MYO5A: variants seen among roughly 807,000 people sequenced by gnomAD.
MYO5A encodes unconventional myosin-Va.
In MYO5A, 98 loss-of-function variants were observed where a neutral mutation model predicts 249.7. That is an observed-to-expected ratio of 0.39 (90% confidence interval 0.33 to 0.46). MYO5A has a LOEUF of 0.46. MYO5A is among the 20% of genes least tolerant of loss of function. The probability of loss-of-function intolerance (pLI) is 0.98; values close to 1 mark genes in which losing one functional copy is unlikely to be tolerated. For missense variants in MYO5A, 1,696 were observed against 2,308.8 expected (o/e 0.73, Z 5.44); for synonymous variants, 778 against 810.6 (o/e 0.96, Z 0.68).
intron 25 of MYO5A, among the ~76,000 whole-genome samples, chr15:52,355,794 A>G (rs2040191275): frequency 6.6e-6 from 1 of 152,218 alleles, no homozygotes; most frequent in Non-Finnish European, 1.5e-5. Flanking sequence ...TTTATATAAG[A>G]GACTTGAGCA....
At chr15:52,404,799 T>C (rs2042925078) in intron 9 of MYO5A, among the ~76,000 whole-genome samples, 1 of 152,042 alleles carries the variant, frequency 6.6e-6, no homozygotes, top group South Asian at 2.1e-4. Flanking sequence ...ATGTAGAGTG[T>C]GAGAAACAAT....
chr15:52,415,673 T>A, intron 5 of MYO5A, among the ~76,000 whole-genome samples: 1 of 152,106 alleles, frequency 6.6e-6, no homozygotes, highest in East Asian at 1.9e-4. Flanking sequence ...CCAACTGAGG[T>A]CGGACTAAGT....
intron 1 of MYO5A, among the ~76,000 whole-genome samples, chr15:52,509,987 A>G (rs1377722005): frequency 3.3e-5 from 5 of 152,206 alleles, no homozygotes; most frequent in Non-Finnish European, 1.5e-5. Context: ...CACTAGAATT[A>G]ATTAACATAA....
intron 1 of MYO5A, among the ~76,000 whole-genome samples, chr15:52,473,227 T>C (rs749735122): frequency 3.9e-5 from 6 of 152,206 alleles, no homozygotes; most frequent in Non-Finnish European, 8.8e-5. Context: ...CTTCGCCCAG[T>C]TTTTGATGGG....
chr15:52,336,398 C>T lies in MYO5A; in HGVS notation c.4408+65G>A, dbSNP rs992500168. 5 of 1,073,800 alleles carry T rather than the reference C, an allele frequency of 4.7e-6. No individual in the cohort carries two copies. In the Admixed American group the frequency reaches 7.9e-5, roughly 17 times the overall value. The allele number at this position is 1,073,800 out of a possible 1,614,324, so 66.5% of individuals were successfully genotyped here. ...AACCTCTATTAGGCCACTTATATAGCCTAGTCTTTAAGCCAAGACTCAAAC... is the reference window on the plus strand; with the variant it reads ...AACCTCTATTAGGCCACTTATATAGTCTAGTCTTTAAGCCAAGACTCAAAC... On this transcript the variant is annotated intron_variant, in intron 34 of 41. Coordinates refer to ENST00000399233, the MANE Select transcript of MYO5A (RefSeq NM_001382347.1).
intron 4 of MYO5A, among the ~76,000 whole-genome samples, chr15:52,423,976 T>C (rs937882948): frequency 6.6e-6 from 1 of 152,220 alleles, no homozygotes; most frequent in East Asian, 1.9e-4. Context: ...GTCATATAAT[T>C]CTCTGAGCAC....
At chr15:52,331,512 G>A (rs2038883971) in intron 34 of MYO5A, among the ~76,000 whole-genome samples, 1 of 152,194 alleles carries the variant, frequency 6.6e-6, no homozygotes, top group Admixed American at 6.5e-5. Context: ...TTTAAGGGCA[G>A]ATTAAGTTTG....
At position 52,313,416 on chromosome 15, in the gene MYO5A, T is replaced by C; in HGVS notation, c.*280A>G. 3.3e-5 allele frequency: 14 copies of C among 425,402 alleles called. No homozygotes were observed. Among genetic ancestry groups the C allele is most frequent in the South Asian group, 3.2e-4 (14 of 43,722 alleles). 26.4% of individuals were successfully genotyped at this position (425,402 alleles called of 1,614,324 possible). A position where few individuals can be genotyped will look rare whatever the true frequency, so the allele number is the denominator to read the frequency against. The stretch of plus-strand genomic sequence containing the variant: ...AGCTGAAGACACATTTTTCTCCTCC[T>C]TTCCTTCCTCCCTTCCTTCCATCAT... On this transcript the variant is annotated 3_prime_UTR_variant, in exon 42 of 42. Coordinates refer to ENST00000399233, the MANE Select transcript of MYO5A (RefSeq NM_001382347.1).
chr15:52,312,546 C>A lies in MYO5A; in HGVS notation c.*1150G>T, dbSNP rs1212179252. ...CTAATTTTTGTATTTTTAGTAGAGA[C>A]AGGGTTTCGCCATGTTGGCCAGGCT... On this transcript the variant is annotated 3_prime_UTR_variant, in exon 42 of 42. Transcript: ENST00000399233. 2 of 152,152 alleles carry A rather than the reference C, an allele frequency of 1.3e-5. No homozygotes were observed. The highest frequency in any genetic ancestry group is 4.8e-5 in the African/African-American group (2 of 41,406). 9.4% of individuals were successfully genotyped at this position (152,152 alleles called of 1,614,324 possible). A position where few individuals can be genotyped will look rare whatever the true frequency, so the allele number is the denominator to read the frequency against.
At chr15:52,496,954 TTAGTTGAAACAGC>T (rs1192807468) in intron 1 of MYO5A, among the ~76,000 whole-genome samples, 3 of 152,160 alleles carry the variant, frequency 2.0e-5, no homozygotes, top group African/African-American at 7.2e-5. Context: ...GGGTGTGATC[TTAGTTGAAACAGC>T]TTTTTTTTTC....
chr15:52,365,202 T>C (rs898677769), intron 23 of MYO5A, among the ~76,000 whole-genome samples: 3 of 152,230 alleles, frequency 2.0e-5, no homozygotes, highest in Non-Finnish European at 4.4e-5. Flanking sequence ...AGTTCTGTCT[T>C]ACGTTTTCTA....
chr15:52,404,603 CA>C (rs2042914486), intron 9 of MYO5A, among the ~76,000 whole-genome samples: 1 of 152,102 alleles, frequency 6.6e-6, no homozygotes, highest in Non-Finnish European at 1.5e-5. Flanking sequence ...CTTTATAGAA[CA>C]ATGTGATTTG....
intron 10 of MYO5A, 60 bp from the exon 11 acceptor site, chr15:52,396,457 A>G (rs1018064187): frequency 2.1e-6 from 2 of 950,048 alleles, no homozygotes; most frequent in Non-Finnish European, 3.3e-6. Context: ...TTTTAAAAAT[A>G]TTCAAAATAT....
At chr15:52,344,472 C>G (rs1478190699) in intron 30 of MYO5A, among the ~76,000 whole-genome samples, 1 of 152,164 alleles carries the variant, frequency 6.6e-6, no homozygotes, top group Non-Finnish European at 1.5e-5. Context: ...TTCTCCATCC[C>G]TCGCCCACAC....
chr15:52,410,454 G>A lies in MYO5A; in HGVS notation c.635C>T (p.Thr212Ile). The A allele has an allele frequency of 6.2e-7, 1 of 1,613,504 alleles. No homozygotes were observed. The highest frequency in any genetic ancestry group is 1.1e-5 in the South Asian group (1 of 91,072). Residue 212 changes from threonine (T) to isoleucine (I), a missense_variant, in exon 6 of 42, where the codon ACC becomes ATC. This residue lies in a region of MYO5A where 197 missense variants were observed against 320.3 expected (regional missense o/e 0.62). Transcript: ENST00000399233. ...AAAACGGCTGCTATTATCATTCCTG[G>A]TTGTTTTAGCATTTCCAATGGACTA... ...IMESIGNAKT[T>I]RNDNSSRFGK...
intron 34 of MYO5A, 125 bp from the exon 35 acceptor site, chr15:52,330,624 T>A (rs2038845994): frequency 1.8e-6 from 2 of 1,102,070 alleles, no homozygotes; most frequent in South Asian, 2.9e-5. Flanking sequence ...GCCACTTAAT[T>A]GCCTTCTCTT....
At chr15:52,371,949 T>G (rs1387384388) in intron 21 of MYO5A, among the ~76,000 whole-genome samples, 175 bp downstream of exon 21, 1 of 151,424 alleles carries the variant, frequency 6.6e-6, no homozygotes, top group African/African-American at 2.4e-5. Flanking sequence ...TTTGCAATTG[T>G]GATCCACCTT....
chr15:52,469,121 ATATATG>A (rs2076407660), intron 1 of MYO5A, among the ~76,000 whole-genome samples: 1 of 152,216 alleles, frequency 6.6e-6, no homozygotes, highest in African/African-American at 2.4e-5. Context: ...AGGCTAATTC[ATATATG>A]TATATTAGTG....
chr15:52,527,964 A>G (rs1441071511), intron 1 of MYO5A, among the ~76,000 whole-genome samples: 1 of 152,212 alleles, frequency 6.6e-6, no homozygotes, highest in African/African-American at 2.4e-5. Flanking sequence ...GGTCATCACA[A>G]ATCTGCGCAG....
Sources: allele counts gnomAD v4.1 joint callset (sites outside exome capture counted in the v4.1 genomes callset), GRCh38; gene constraint gnomAD v4.1.1; regional missense constraint gnomAD v4.1.1; transcripts MANE v1.5; gene names NCBI Gene and HGNC (gene_info 2026-07-23, HGNC 2026-07-21).